The following ATCAY variants were observed in gnomAD, a reference collection of about 807,000 sequenced individuals.
The protein encoded by ATCAY is ATCAY kinesin light chain interacting caytaxin, also known as caytaxin.
In ATCAY, 22 loss-of-function variants were observed where a neutral mutation model predicts 47.7. That is an observed-to-expected ratio of 0.46 (90% CI 0.33 to 0.66). The LOEUF (loss-of-function observed/expected upper bound fraction) is 0.66, where lower values mean the gene tolerates loss of function less well. ATCAY is among the 30% of genes least tolerant of loss of function. ATCAY has a pLI of 0.02. For missense variants in ATCAY, 452 were observed against 515.0 expected (o/e 0.88, Z 1.18); for synonymous variants, 216 against 207.6 (o/e 1.04, Z -0.35).
intron 2 of ATCAY, among the ~76,000 whole-genome samples, chr19:3,887,611 C>T (rs770304623): frequency 1.3e-5 from 2 of 150,818 alleles, no homozygotes; most frequent in Non-Finnish European, 3.0e-5. Context: ...CTCAGCCTCC[C>T]GAGTAGCTGG....
intron 12 of ATCAY, among the ~76,000 whole-genome samples, chr19:3,922,992 G>A (rs568199226): frequency 8.5e-5 from 13 of 152,164 alleles, no homozygotes; most frequent in South Asian, 4.1e-4. Context: ...TGATCCACCC[G>A]CTTCGGCCTC....
At chr19:3,889,644 A>G (rs1229541805) in intron 2 of ATCAY, among the ~76,000 whole-genome samples, 1 of 152,140 alleles carries the variant, frequency 6.6e-6, no homozygotes, top group Non-Finnish European at 1.5e-5. Flanking sequence ...GCAGCACAGC[A>G]TAAACAAAGG....
Position 3,907,962 on chromosome 19 carries a change from C to A in ATCAY, c.544+43C>A. 6.3e-7 allele frequency: 1 copy of A among 1,589,796 alleles called. No homozygotes were observed. Among genetic ancestry groups the A allele is most frequent in the Non-Finnish European group, 8.6e-7 (1 of 1,167,136 alleles). On this transcript the variant is annotated intron_variant, in intron 5 of 12. Transcript: ENST00000450849. The surrounding 1 kb of genome is among the most constrained non-coding windows in gnomAD (Gnocchi z 5.1). The stretch of plus-strand genomic sequence containing the variant: ...GTGCCCCCTTGGGGCTCCAGCCCGG[C>A]CCACTGGGCAACAGGGGGTTCGTCA...
At position 3,901,486 on chromosome 19, in the gene ATCAY, A is replaced by T. The variant is rs149298256; in HGVS notation, c.78-1001A>T. Reference sequence around the variant, plus strand: ...TTTAATACTTTTTGCTGCATTTGAGAGTCAACAACTCATCAGAGACCAAAT... The same window carrying T: ...TTTAATACTTTTTGCTGCATTTGAGTGTCAACAACTCATCAGAGACCAAAT... On this transcript the variant is annotated intron_variant, in intron 2 of 12. Coordinates refer to ENST00000450849, the MANE Select transcript of ATCAY (RefSeq NM_033064.5). Among the ~76,000 whole-genome samples the T allele has an allele frequency of 1.0e-3, 158 of 152,020 alleles. No individual in the cohort carries two copies. The East Asian group carries it at 0.012, about 11-fold the overall frequency.
intron 2 of ATCAY, among the ~76,000 whole-genome samples, chr19:3,897,263 C>CTATATATATA (rs10677459): frequency 3.4e-4 from 49 of 143,994 alleles, no homozygotes; most frequent in African/African-American, 1.1e-3. Context: ...TTGAAGTTTG[C>CTATATATATA]TATATATATA....
At chr19:3,917,584 C>CAAAAAAAAAAAAAAAAAAAAA (rs71166940) in intron 9 of ATCAY, among the ~76,000 whole-genome samples, 158 bp from the exon 10 acceptor site, 1 of 40,836 alleles carries the variant, frequency 2.4e-5, no homozygotes, top group Non-Finnish European at 4.2e-5. Context: ...GACTCCATCT[C>CAAAAAAAAAAAAAAAAAAAAA]AAAAAAAAAA....
chr19:3,888,214 C>A (rs914639842), intron 2 of ATCAY, among the ~76,000 whole-genome samples: 1 of 152,138 alleles, frequency 6.6e-6, no homozygotes, highest in African/African-American at 2.4e-5. Context: ...ATCCCTCTTC[C>A]CTTTCAGAAC....
intron 2 of ATCAY, among the ~76,000 whole-genome samples, chr19:3,897,935 A>T (rs2038783887): frequency 6.6e-6 from 1 of 152,114 alleles, no homozygotes; most frequent in South Asian, 2.1e-4. Flanking sequence ...AATAAAATTT[A>T]AAAAATATAA....
chr19:3,917,621 G>GAAAAAAAA, intron 9 of ATCAY, 121 bp from the exon 10 acceptor site: 1 of 415,148 alleles, frequency 2.4e-6, no homozygotes, highest in Non-Finnish European at 4.3e-6. Context: ...GGAAGAAGAA[G>GAAAAAAAA]AAGAAGAAAA....
At chr19:3,918,977 A>G (rs747888532) in intron 11 of ATCAY, 100 bp downstream of exon 11, 275 of 1,440,884 alleles carry the variant, frequency 1.9e-4, no homozygotes, top group Non-Finnish European at 2.5e-4. Flanking sequence ...TTGTTCAGGG[A>G]CAGAAAATGG....
rs368400786 is a variant in ATCAY, at chr19:3,887,063, T to G, written c.77+1219T>G. Among the ~76,000 whole-genome samples the G allele has an allele frequency of 1.1e-4, 16 of 152,228 alleles. No homozygotes were observed. In the South Asian group the frequency reaches 3.1e-3, roughly 30 times the overall value. On this transcript the variant is annotated intron_variant, in intron 2 of 12. Coordinates refer to ENST00000450849, the MANE Select transcript of ATCAY (RefSeq NM_033064.5). ...GGAGCGCCACAAGAGCAGGGGTCTTTGTTTAGCTCACTGCTGTATCCCAAC... is the reference window on the plus strand; with the variant it reads ...GGAGCGCCACAAGAGCAGGGGTCTTGGTTTAGCTCACTGCTGTATCCCAAC...
At chr19:3,881,435 G>A (rs891040236) in intron 1 of ATCAY, among the ~76,000 whole-genome samples, 2 of 152,024 alleles carry the variant, frequency 1.3e-5, no homozygotes, top group African/African-American at 4.8e-5. Context: ...GTCCTGTGGG[G>A]TGGGGAGGAA....
chr19:3,916,373 C>T lies in ATCAY; in HGVS notation c.966-1369C>T, dbSNP rs146058316. ...TATTTATATGCTACTCACCTATGAC[C>T]GTAGATGTACAAATATCTCTGTAAG... On this transcript the variant is annotated intron_variant, in intron 9 of 12. Transcript: ENST00000450849. Among the ~76,000 whole-genome samples, 300 of 152,228 alleles carry T rather than the reference C, an allele frequency of 2.0e-3. 2 individuals are homozygous for T. The highest frequency in any genetic ancestry group is 6.6e-3 in the African/African-American group (276 of 41,538).
intron 2 of ATCAY, 105 bp downstream of exon 2, chr19:3,885,949 G>A (rs2038648268): frequency 2.6e-6 from 3 of 1,174,662 alleles, no homozygotes; most frequent in South Asian, 1.3e-5. Context: ...ACCGCCCGGG[G>A]CTGGCCTGGT....
Position 3,908,390 on chromosome 19 carries a change from G to T in ATCAY, c.647+20G>T. On this transcript the variant is annotated intron_variant, in intron 6 of 12. Transcript: ENST00000450849. The stretch of plus-strand genomic sequence containing the variant: ...CTTCCTGTGAGTCCCCGCCCGCGGC[G>T]AGCAGCCTCGGGCCAGCTCTGATGC... The T allele has an allele frequency of 6.4e-7, 1 of 1,556,422 alleles. No individual in the cohort carries two copies. Among genetic ancestry groups the T allele is most frequent in the Non-Finnish European group, 8.7e-7 (1 of 1,146,520 alleles).
At chr19:3,917,856 G>A in intron 10 of ATCAY, 79 bp downstream of exon 10, 1 of 1,515,454 alleles carries the variant, frequency 6.6e-7, no homozygotes, top group Non-Finnish European at 9.0e-7. Flanking sequence ...GGGCAACCCG[G>A]TGACTTCTGG....
At chr19:3,881,872 C>CCT (rs1555765200) in intron 1 of ATCAY, among the ~76,000 whole-genome samples, 1 of 144,468 alleles carries the variant, frequency 6.9e-6, no homozygotes, top group African/African-American at 2.6e-5. Flanking sequence ...CACCGCCCCC[C>CCT]CCCCGACCCC....
intron 2 of ATCAY, among the ~76,000 whole-genome samples, chr19:3,894,257 G>A (rs999363403): frequency 2.0e-5 from 3 of 151,970 alleles, no homozygotes; most frequent in African/African-American, 7.2e-5. Context: ...GGCCGAGGCG[G>A]GCAGGTCACG....
In ATCAY at chr19:3,907,628, G is replaced by T; in HGVS notation, c.359-106G>T. On this transcript the variant is annotated intron_variant, in intron 4 of 12. Transcript: ENST00000450849. The surrounding 1 kb of genome is among the most constrained non-coding windows in gnomAD (Gnocchi z 5.1). Reference sequence around the variant, plus strand: ...AGGTGGGGAGAAGCGAAGGACTTGTGGGTCCCGGCAGCGAGGGAGGTGGGA... The same window carrying T: ...AGGTGGGGAGAAGCGAAGGACTTGTTGGTCCCGGCAGCGAGGGAGGTGGGA... 1 of 1,367,080 alleles carries T rather than the reference G, an allele frequency of 7.3e-7. No homozygotes were observed. The highest frequency in any genetic ancestry group is 1.3e-5 in the South Asian group (1 of 78,110). The allele number at this position is 1,367,080 out of a possible 1,614,324, so 84.7% of individuals were successfully genotyped here. A position where few individuals can be genotyped will look rare whatever the true frequency, so the allele number is the denominator to read the frequency against.
Sources: gnomAD v4.1 joint callset for allele counts (sites outside exome capture counted in the v4.1 genomes callset) on GRCh38, gnomAD v4.1.1 for gene constraint, Gnocchi (gnomAD v3.1) non-coding constraint, MANE v1.5 for transcripts, NCBI Gene and HGNC (gene_info 2026-07-23, HGNC 2026-07-21) for gene names.